The following CATSPERG variants were observed in gnomAD, a reference collection of about 807,000 sequenced individuals.
CATSPERG encodes cation channel sperm-associated auxiliary subunit gamma.
A neutral mutation model predicts 145.0 loss-of-function variants in CATSPERG; 115 were observed. The observed-to-expected ratio is 0.79, with a 90% CI of 0.68 to 0.93. CATSPERG has a LOEUF of 0.93. CATSPERG is among the 40% of genes least tolerant of loss of function. The pLI is 0.00. For missense variants in CATSPERG, 1,296 were observed against 1,490.1 expected (o/e 0.87, Z 2.14); for synonymous variants, 588 against 589.0 (o/e 1.00, Z 0.02).
intron 3 of CATSPERG, among the ~76,000 whole-genome samples, chr19:38,340,875 G>A (rs1193676783): frequency 7.1e-6 from 1 of 141,830 alleles, no homozygotes; most frequent in South Asian, 2.5e-4. Context: ...ATAATAAAAT[G>A]AGGTAATACG....
intron 7 of CATSPERG, among the ~76,000 whole-genome samples, chr19:38,347,197 C>G (rs1184352742): frequency 3.3e-5 from 5 of 152,030 alleles, no homozygotes; most frequent in South Asian, 4.2e-4. Flanking sequence ...GGAGACAGAT[C>G]GAGACCCTGT....
At position 38,344,311 on chromosome 19, in the gene CATSPERG, C is replaced by T. The variant is rs1457360706; in HGVS notation, c.612C>T (p.Ile204=). 6.4e-6 allele frequency: 10 copies of T among 1,551,776 alleles called. No homozygotes were observed. Among genetic ancestry groups the T allele is most frequent in the Non-Finnish European group, 6.1e-6 (7 of 1,147,002 alleles). Residue 204 remains isoleucine, a synonymous_variant, in exon 6 of 29, where the codon ATC becomes ATT. Coordinates refer to ENST00000409235, the MANE Select transcript of CATSPERG (RefSeq NM_021185.5). ...FIPDKRFQMN[I]NGFLKRDRDN... ...CTGCTGCTAGGTTCCAGATGAATAT[C>T]AACGGCTTCCTGAAGAGAGACCGGG...
At chr19:38,347,679 G>A (rs1199048161) in intron 7 of CATSPERG, among the ~76,000 whole-genome samples, 7 of 152,152 alleles carry the variant, frequency 4.6e-5, no homozygotes, top group South Asian at 2.1e-4. Context: ...AGTGGCTCAC[G>A]CCTATAATCC....
chr19:38,360,197 AGT>A (rs780695910), intron 14 of CATSPERG: 2 of 985,096 alleles, frequency 2.0e-6, no homozygotes, highest in Non-Finnish European at 2.4e-6. Context: ...GCTGTTAGGG[AGT>A]GTGTGTGTTA....
chr19:38,360,707 C>T (rs752946219), intron 15 of CATSPERG, 24 bp from the exon 16 acceptor site: 4 of 1,614,006 alleles, frequency 2.5e-6, no homozygotes, highest in Non-Finnish European at 2.5e-6. Flanking sequence ...CCCCAGCTCA[C>T]CTGGCCCTGC....
chr19:38,367,820 T>C, intron 25 of CATSPERG, 44 bp downstream of exon 25: 1 of 1,562,074 alleles, frequency 6.4e-7, no homozygotes, highest in Non-Finnish European at 8.8e-7. Flanking sequence ...TTGCTTCCCC[T>C]GGAGGCCTTT....
chr19:38,363,637 G>A (rs915192390), intron 20 of CATSPERG, among the ~76,000 whole-genome samples: 2 of 151,788 alleles, frequency 1.3e-5, no homozygotes, highest in Non-Finnish European at 2.9e-5. Context: ...GTGTCCCTGG[G>A]TACTTGAGAT....
Position 38,361,728 on chromosome 19 carries a change from AC to A in CATSPERG, c.1962del (p.Tyr654Ter). ...CGGAGCCTGCCCAGTCCGCAGAGAT[AC>A]ACGCGCCAGGAGCGCTACCGGGCGC... ...RLRSLPSPQR[Y>X]TRQERYRARP... is the part of the protein sequence containing the mutation. On this transcript the variant is annotated frameshift_variant, in exon 17 of 29. Coordinates refer to ENST00000409235, the MANE Select transcript of CATSPERG (RefSeq NM_021185.5). LOFTEE classifies it high-confidence loss of function. 6.2e-7 allele frequency: 1 copy of A among 1,613,220 alleles called. No individual in the cohort carries two copies. Among genetic ancestry groups the A allele is most frequent in the Non-Finnish European group, 8.5e-7 (1 of 1,179,808 alleles).
intron 6 of CATSPERG, 102 bp from the exon 7 acceptor site, chr19:38,346,348 G>A (rs944923011): frequency 1.3e-5 from 14 of 1,088,148 alleles, no homozygotes; most frequent in East Asian, 2.8e-5. Context: ...AGGACAAATC[G>A]CGTGGGGCCT....
intron 11 of CATSPERG, among the ~76,000 whole-genome samples, chr19:38,357,101 A>T (rs1436070533): frequency 6.6e-6 from 1 of 152,150 alleles, no homozygotes; most frequent in Non-Finnish European, 1.5e-5. Context: ...CCCTATGTAG[A>T]TTTGTGCAGG....
chr19:38,353,897 CAGA>C (rs1358044190), intron 8 of CATSPERG, among the ~76,000 whole-genome samples: 1 of 135,588 alleles, frequency 7.4e-6, no homozygotes, highest in Admixed American at 8.8e-5. Flanking sequence ...GAGGCTGAGG[CAGA>C]AGAATTGCTT....
chr19:38,367,219 A>C lies in CATSPERG; in HGVS notation c.2677A>C (p.Thr893Pro). The C allele has an allele frequency of 6.2e-7, 1 of 1,613,662 alleles. No individual in the cohort carries two copies. Among genetic ancestry groups the C allele is most frequent in the Non-Finnish European group, 8.5e-7 (1 of 1,179,956 alleles). The change falls in exon 23 of 29, where the codon ACC (threonine) becomes CCC (proline). Residue 893 changes from threonine (T) to proline (P), a missense_variant. Physicochemically the swap from Thr to Pro is conservative, Grantham distance 38 (BLOSUM62 -1). Transcript: ENST00000409235. ...PPGKRLAFDITYTLEYSRLKN... is the reference protein window; with the variant it reads ...PPGKRLAFDIPYTLEYSRLKN... ...AGGCAAGCGCCTGGCCTTCGACATC[A>C]CCTACACGCTGGAATACAGCCGCCT... is the stretch of plus-strand genomic sequence containing the variant.
rs1425947849 is a variant in CATSPERG, at chr19:38,367,444, C to A, written c.2771-65C>A. On this transcript the variant is annotated intron_variant, in intron 23 of 28. Coordinates refer to ENST00000409235, the MANE Select transcript of CATSPERG (RefSeq NM_021185.5). ...TGCGGCATCTCACTTTCCCCCGTCT[C>A]GGTCCTCAGCTTCTCGGGCCAAGCT... 4 of 1,573,872 alleles carry A rather than the reference C, an allele frequency of 2.5e-6. No individual in the cohort carries two copies. In the Admixed American group the frequency reaches 5.2e-5, roughly 20 times the overall value.
chr19:38,359,398 G>C (rs530335886), intron 13 of CATSPERG, 72 bp from the exon 14 acceptor site: 2 of 941,232 alleles, frequency 2.1e-6, no homozygotes, highest in East Asian at 5.0e-5. Context: ...AGTGGCTCCC[G>C]TGTTATTAGG....
At chr19:38,357,072 C>T (rs1970256576) in intron 11 of CATSPERG, among the ~76,000 whole-genome samples, 1 of 152,136 alleles carries the variant, frequency 6.6e-6, no homozygotes, top group South Asian at 2.1e-4. Flanking sequence ...TTTTATTTTA[C>T]CTGCAGTGAG....
At chr19:38,342,687 C>T (rs948714125) in intron 3 of CATSPERG, among the ~76,000 whole-genome samples, 2 of 151,554 alleles carry the variant, frequency 1.3e-5, no homozygotes, top group Admixed American at 1.3e-4. Flanking sequence ...TGCACAGGTG[C>T]TGAATCTGGT....
chr19:38,362,819 C>G lies in CATSPERG; in HGVS notation c.2462C>G (p.Ser821Trp), dbSNP rs1042441335. The G allele has an allele frequency of 8.7e-6, 14 of 1,603,542 alleles. No individual in the cohort carries two copies. The highest frequency in any genetic ancestry group is 3.3e-5 in the Admixed American group (2 of 59,708). Residue 821 changes from serine to tryptophan, a missense_variant, in exon 20 of 29, where the codon TCG becomes TGG. By Grantham distance (177) the Ser-to-Trp change is radical (BLOSUM62 -3). Transcript: ENST00000409235. ...CAGGAGGTCCTGATTAATCGCAACT[C>G]GGTGCTATTTTCGGTGAGGCCCCCC... ...VKQEVLINRN[S>W]VLFSITLKDK...
At chr19:38,368,760 T>TCAAGCAATTCTCCTGCCTC (rs1325529119) in intron 26 of CATSPERG, among the ~76,000 whole-genome samples, 8 of 152,194 alleles carry the variant, frequency 5.3e-5, no homozygotes, top group Non-Finnish European at 1.2e-4. Context: ...CCTCCTGGGT[T>TCAAGCAATTCTCCTGCCTC]CAAGCAATTC....
intron 8 of CATSPERG, 48 bp from the exon 9 acceptor site, chr19:38,354,661 GC>G (rs1970211400): frequency 3.1e-6 from 5 of 1,599,624 alleles, no homozygotes; most frequent in Non-Finnish European, 3.4e-6. Flanking sequence ...GGGGGCAGAG[GC>G]CCCAGATCCA....
Sources: gnomAD v4.1 joint callset for allele counts (sites outside exome capture counted in the v4.1 genomes callset) on GRCh38, gnomAD v4.1.1 for gene constraint, MANE v1.5 for transcripts, NCBI Gene and HGNC (gene_info 2026-07-23, HGNC 2026-07-21) for gene names.